KCNIP1: variants seen among roughly 807,000 people sequenced by gnomAD.
KCNIP1 encodes the protein A-type potassium channel modulatory protein KCNIP1.
A neutral mutation model predicts 33.0 loss-of-function variants in KCNIP1; 18 were observed. That is an observed-to-expected ratio of 0.55 (90% CI 0.38 to 0.81). The LOEUF (loss-of-function observed/expected upper bound fraction) is 0.81, where lower values mean the gene tolerates loss of function less well. Among genes scored for constraint, KCNIP1 ranks in the 30% least tolerant of loss-of-function variants. The probability of loss-of-function intolerance (pLI) is 0.00; values close to 1 mark genes in which losing one functional copy is unlikely to be tolerated. For missense variants in KCNIP1, 238 were observed against 271.6 expected (o/e 0.88, Z 0.87); for synonymous variants, 93 against 98.3 (o/e 0.95, Z 0.32).
chr5:170,460,356 A>C (rs1756478177), intron 1 of KCNIP1, among the ~76,000 whole-genome samples: 1 of 152,078 alleles, frequency 6.6e-6, no homozygotes, highest in African/African-American at 2.4e-5. Context: ...GTGTCATCCT[A>C]ATACCAAAAC....
At chr5:170,409,708 GT>G (rs1315056946) in intron 1 of KCNIP1, among the ~76,000 whole-genome samples, 2 of 152,188 alleles carry the variant, frequency 1.3e-5, no homozygotes, top group African/African-American at 2.4e-5. Flanking sequence ...CGACAGCAGG[GT>G]GTCTTATGCC....
chr5:170,683,764 C>T lies in KCNIP1; in HGVS notation c.62-34994C>T, dbSNP rs138644227. ...TTCGAGACTAAATCTCACTCTATCACCCAAGCTGGAGTGCAGTGGCATGAT... is the reference window on the plus strand; with the variant it reads ...TTCGAGACTAAATCTCACTCTATCATCCAAGCTGGAGTGCAGTGGCATGAT... On this transcript the variant is annotated intron_variant, in intron 1 of 7. Coordinates refer to ENST00000328939, the MANE Select transcript of KCNIP1 (RefSeq NM_014592.4). Among the ~76,000 whole-genome samples the T allele has an allele frequency of 4.6e-3, 690 of 151,602 alleles. 4 individuals carry two copies. The highest frequency in any genetic ancestry group is 6.9e-3 in the Middle Eastern group (2 of 290).
At chr5:170,497,739 C>A (rs1757336521) in intron 1 of KCNIP1, among the ~76,000 whole-genome samples, 1 of 152,218 alleles carries the variant, frequency 6.6e-6, no homozygotes, top group Admixed American at 6.5e-5. Flanking sequence ...CCAGAAATAT[C>A]CTTCCCCCTC....
rs565966270 is a variant in KCNIP1 at position 170,583,791 on chromosome 5, A to T, written c.61+79158A>T. On this transcript the variant is annotated intron_variant, in intron 1 of 7. Transcript: ENST00000328939. The stretch of plus-strand genomic sequence containing the variant: ...TATTTTCCGGCAGTGTTTCTTCTTT[A>T]TCTCTGTCCCCCAGTAGCTCAGTGA... Among the ~76,000 whole-genome samples the T allele has an allele frequency of 2.0e-5, 3 of 152,298 alleles. No individual in the cohort carries two copies. In the East Asian group the frequency reaches 5.8e-4, roughly 29 times the overall value.
chr5:170,502,854 A>G (rs1757443442), upstream of KCNIP1, among the ~76,000 whole-genome samples: 1 of 152,030 alleles, frequency 6.6e-6, no homozygotes, highest in Non-Finnish European at 1.5e-5. Flanking sequence ...GGGGAGGGGA[A>G]GCTCTTCCTC....
intron 1 of KCNIP1, among the ~76,000 whole-genome samples, chr5:170,448,897 C>T (rs775691894): frequency 1.3e-5 from 2 of 152,160 alleles, no homozygotes; most frequent in Non-Finnish European, 2.9e-5. Context: ...GTAATTGTTC[C>T]CGTATTACAG....
At chr5:170,653,035 C>T (rs116135858) in intron 1 of KCNIP1, among the ~76,000 whole-genome samples, 1,812 of 152,312 alleles carry the variant, frequency 0.012, 17 homozygotes, top group Non-Finnish European at 0.02. Context: ...AATGAGAGAG[C>T]ACACAGCTGG....
At chr5:170,362,758 G>A (rs1010192505) in intron 1 of KCNIP1, among the ~76,000 whole-genome samples, 3 of 152,194 alleles carry the variant, frequency 2.0e-5, no homozygotes, top group Admixed American at 6.5e-5. Context: ...GCTGGGGTTA[G>A]CCTAATTTTC....
At chr5:170,385,519 T>C in intron 1 of KCNIP1, 1 of 1,562,220 alleles carries the variant, frequency 6.4e-7, no homozygotes, top group Non-Finnish European at 8.8e-7. Flanking sequence ...AGTTCACAGG[T>C]GATCCACAGA....
At chr5:170,560,500 C>T (rs543956599) in intron 1 of KCNIP1, among the ~76,000 whole-genome samples, 12 of 152,184 alleles carry the variant, frequency 7.9e-5, no homozygotes, top group African/African-American at 2.9e-4. Flanking sequence ...CCACAGGTCT[C>T]GGTTCTGGAC....
intron 1 of KCNIP1, among the ~76,000 whole-genome samples, chr5:170,419,142 G>C (rs1299203129): frequency 6.6e-6 from 1 of 152,214 alleles, no homozygotes; most frequent in Non-Finnish European, 1.5e-5. Context: ...AGTGAGCTGA[G>C]ATAGAGGGGA....
At chr5:170,490,045 G>A (rs547173223) in intron 1 of KCNIP1, among the ~76,000 whole-genome samples, 116 of 152,330 alleles carry the variant, frequency 7.6e-4, no homozygotes, top group African/African-American at 2.6e-3. Context: ...GAATGAGACT[G>A]AGAGGGCTCA....
intron 1 of KCNIP1, among the ~76,000 whole-genome samples, chr5:170,506,668 A>G (rs181620017): frequency 2.1e-4 from 32 of 152,292 alleles, no homozygotes; most frequent in African/African-American, 7.2e-4. Context: ...TGTGCTTGCC[A>G]TAATGCTCGG....
At chr5:170,498,657 G>A (rs182759917) in intron 1 of KCNIP1, among the ~76,000 whole-genome samples, 181 of 152,284 alleles carry the variant, frequency 1.2e-3, no homozygotes, top group African/African-American at 2.3e-3. Flanking sequence ...TTAGAATAGC[G>A]CCTGGCAGGT....
chr5:170,577,490 G>A (rs1757643669), intron 1 of KCNIP1, among the ~76,000 whole-genome samples: 1 of 152,188 alleles, frequency 6.6e-6, no homozygotes, highest in Non-Finnish European at 1.5e-5. Flanking sequence ...GAATGTCAGA[G>A]CTCATATGAT....
intron 1 of KCNIP1, among the ~76,000 whole-genome samples, chr5:170,413,545 AG>A (rs150971474): frequency 0.046 from 7,005 of 152,276 alleles, 550 homozygotes; most frequent in African/African-American, 0.16. Context: ...TTCATCTGCA[AG>A]ATGGGAATGG....
chr5:170,451,723 T>TG lies in KCNIP1; in HGVS notation c.88+97759_88+97760insG, dbSNP rs1756255311. ...GACAGTTGCTTCAGCTTCTCCTGCATTGTGTGTGTGTGTGTGTGTGTGTGT... is the reference window on the plus strand; with the variant it reads ...GACAGTTGCTTCAGCTTCTCCTGCATGTGTGTGTGTGTGTGTGTGTGTGTGT... On this transcript the variant is annotated intron_variant, in intron 1 of 7. Coordinates refer to the KCNIP1 transcript ENST00000377360. Among the ~76,000 whole-genome samples, 575 of 122,976 alleles carry TG rather than the reference T, an allele frequency of 4.7e-3. 3 individuals are homozygous for TG. Among genetic ancestry groups the TG allele is most frequent in the South Asian group, 0.026 (87 of 3,364 alleles). The allele number at this position is 122,976 out of a possible 152,430, so 80.7% of individuals were successfully genotyped here.
chr5:170,535,010 CA>C (rs1755926529), intron 1 of KCNIP1, among the ~76,000 whole-genome samples: 2 of 152,264 alleles, frequency 1.3e-5, no homozygotes, highest in South Asian at 4.2e-4. Context: ...TCCCAGTTTT[CA>C]TTTCTCATTA....
intron 1 of KCNIP1, among the ~76,000 whole-genome samples, chr5:170,516,067 AT>A (rs1307375144): frequency 6.6e-6 from 1 of 152,202 alleles, no homozygotes; most frequent in African/African-American, 2.4e-5. Flanking sequence ...CAGAAAGAGG[AT>A]GCCATCAGAA....
Sources: gnomAD v4.1 joint callset for allele counts (sites outside exome capture counted in the v4.1 genomes callset) on GRCh38, gnomAD v4.1.1 for gene constraint, MANE v1.5 for transcripts, NCBI Gene and HGNC (gene_info 2026-07-23, HGNC 2026-07-21) for gene names.